Variants in VPS33B observed in about 807,000 individuals in gnomAD.
VPS33B encodes VPS33B late endosome and lysosome associated.
A neutral mutation model predicts 95.3 loss-of-function variants in VPS33B; 80 were observed. The observed-to-expected ratio is 0.84, with a 90% CI of 0.70 to 1.01. The LOEUF is 1.01. Among genes scored for constraint, VPS33B ranks in the 50% least tolerant of loss-of-function variants. VPS33B has a pLI of 0.00. For synonymous variants in VPS33B, 280 were observed against 280.4 expected (o/e 1.00, Z 0.01); for missense variants, 715 against 773.4 (o/e 0.92, Z 0.90).
intron 3 of VPS33B, 58 bp downstream of exon 3, chr15:91,016,905 C>T (rs371060030): frequency 4.1e-5 from 63 of 1,535,214 alleles, no homozygotes; most frequent in Non-Finnish European, 3.8e-5. Context: ...GAAAGGCAGA[C>T]GTGCCCCTAG....
At position 90,999,798 on chromosome 15, in the gene VPS33B, G is replaced by A. The variant is rs1250121001; in HGVS notation, c.1658-5C>T. ...CCTTGTCTTCCTTAGTCATATCTGT[G>A]AGGATCAGACCAGATTCAGCCCTTC... On this transcript the variant is annotated splice_region_variant and splice_polypyrimidine_tract_variant and intron_variant, in intron 21 of 22. Coordinates refer to ENST00000333371, the MANE Select transcript of VPS33B (RefSeq NM_018668.5). This position sits in a 1 kb window ranked among gnomAD's most constrained non-coding sequence, Gnocchi z 5.1. 2.5e-6 allele frequency: 4 copies of A among 1,613,924 alleles called. No individual in the cohort carries two copies. In the East Asian group the frequency reaches 6.7e-5, roughly 27 times the overall value.
chr15:91,013,878 A>G lies in VPS33B; in HGVS notation c.290-7T>C. 6.2e-7 allele frequency: 1 copy of G among 1,614,054 alleles called. No individual in the cohort carries two copies. Among genetic ancestry groups the G allele is most frequent in the East Asian group, 2.2e-5 (1 of 44,882 alleles). ...TTGTCAGCATTGACAAGACCTACAGAGAGAAGGAATGCAGCCCAGCAAGTC... is the reference window on the plus strand; with the variant it reads ...TTGTCAGCATTGACAAGACCTACAGGGAGAAGGAATGCAGCCCAGCAAGTC... On this transcript the variant is annotated splice_region_variant and splice_polypyrimidine_tract_variant and intron_variant, in intron 4 of 22. Coordinates refer to ENST00000333371, the MANE Select transcript of VPS33B (RefSeq NM_018668.5). This position sits in a 1 kb window ranked among gnomAD's most constrained non-coding sequence, Gnocchi z 4.5.
chr15:91,005,605 G>GGATCTC lies in VPS33B; in HGVS notation c.1030+83_1030+88dup, dbSNP rs1303118531. ...AAGACCATATGCATCAGATGAACAGGGATCTCCTCCTCGGGAGTAATGGTC... is the reference window on the plus strand; with the variant it reads ...AAGACCATATGCATCAGATGAACAGGGATCTCGATCTCCTCCTCGGGAGTAATGGTC... On this transcript the variant is annotated intron_variant, in intron 13 of 22. Coordinates refer to ENST00000333371, the MANE Select transcript of VPS33B (RefSeq NM_018668.5). The surrounding 1 kb of genome is among the most constrained non-coding windows in gnomAD (Gnocchi z 6.4). The GGATCTC allele has an allele frequency of 1.5e-5, 24 of 1,579,682 alleles. No homozygotes were observed. The highest frequency in any genetic ancestry group is 1.9e-5 in the Non-Finnish European group (22 of 1,148,634).
At position 90,998,811 on chromosome 15, in the gene VPS33B, G is replaced by C; in HGVS notation, c.*164C>G. 1.3e-6 allele frequency: 1 copy of C among 767,382 alleles called. No individual in the cohort carries two copies. Among genetic ancestry groups the C allele is most frequent in the Non-Finnish European group, 2.3e-6 (1 of 436,224 alleles). The allele number at this position is 767,382 out of a possible 1,614,324, so 47.5% of individuals were successfully genotyped here. On this transcript the variant is annotated 3_prime_UTR_variant, in exon 23 of 23. Coordinates refer to ENST00000333371, the MANE Select transcript of VPS33B (RefSeq NM_018668.5). This position sits in a 1 kb window ranked among gnomAD's most constrained non-coding sequence, Gnocchi z 4.8. Reference sequence around the variant, plus strand: ...GAGAAATATCCTGGGAGCAGGAAGTGAACTCTTTTCTCAGATAATGTTCTC... The same window carrying C: ...GAGAAATATCCTGGGAGCAGGAAGTCAACTCTTTTCTCAGATAATGTTCTC...
chr15:91,004,308 T>C (rs1029767881), intron 16 of VPS33B, among the ~76,000 whole-genome samples: 1 of 151,880 alleles, frequency 6.6e-6, no homozygotes, highest in Admixed American at 6.6e-5. Context: ...AAAAACAAGT[T>C]GCCATGAAGG....
rs199735009 is a variant in VPS33B, at chr15:91,006,023, C to T, written c.889G>A (p.Val297Ile). 6 of 1,614,184 alleles carry T rather than the reference C, an allele frequency of 3.7e-6. No homozygotes were observed. In the East Asian group the frequency reaches 1.1e-4, roughly 30 times the overall value. ...NEIRNEHFSN[V>I]FGFLSQKARN... ...GCCTTCTGGCTCAAGAAGCCAAAGA[C>T]ATTGGAGAAGTGCTCGTTCCGAATC... The change falls in exon 12 of 23, where the codon GTC becomes ATC. Residue 297 changes from valine to isoleucine, a missense_variant. By Grantham distance (29) the Val-to-Ile change is conservative (BLOSUM62 3). Transcript: ENST00000333371. This position sits in a 1 kb window ranked among gnomAD's most constrained non-coding sequence, Gnocchi z 5.4.
chr15:91,004,205 A>G lies in VPS33B; in HGVS notation c.1225+672T>C, dbSNP rs986501145. ...GCCATTGCACTCCAGCCTAGGCAAC[A>G]GAGCAAGACTCTGTCTTAAAAAAAA... On this transcript the variant is annotated intron_variant, in intron 16 of 22. Transcript: ENST00000333371. Among the ~76,000 whole-genome samples, 6 of 150,720 alleles carry G rather than the reference A, an allele frequency of 4.0e-5. No individual in the cohort carries two copies. In the East Asian group the frequency reaches 7.8e-4, roughly 20 times the overall value.
Position 91,007,672 on chromosome 15 carries a change from TG to T in VPS33B, c.499-100del, listed in dbSNP as rs1957766609. ...AGCCCTGGAGCAGGGTGGCAGGGCC[TG>T]GGGGATGCTTGAAAGGTTTTCATTG... On this transcript the variant is annotated intron_variant, in intron 7 of 22. Coordinates refer to ENST00000333371, the MANE Select transcript of VPS33B (RefSeq NM_018668.5). This position sits in a 1 kb window ranked among gnomAD's most constrained non-coding sequence, Gnocchi z 5.3. 4 of 1,366,340 alleles carry T rather than the reference TG, an allele frequency of 2.9e-6. No individual in the cohort carries two copies. The highest frequency in any genetic ancestry group is 1.7e-5 in the Admixed American group (1 of 58,446). The allele number at this position is 1,366,340 out of a possible 1,614,324, so 84.6% of individuals were successfully genotyped here.
intron 2 of VPS33B, 90 bp from the exon 3 acceptor site, chr15:91,017,114 C>A (rs1391191308): frequency 1.7e-6 from 2 of 1,173,468 alleles, no homozygotes; most frequent in East Asian, 2.3e-5. Flanking sequence ...TTGAGGGCTT[C>A]CTAATTATGC....
rs1335722117 is a variant in VPS33B, at chr15:91,011,588, A to G, written c.358-1742T>C. Among the ~76,000 whole-genome samples the G allele has an allele frequency of 6.6e-6, 1 of 152,254 alleles. No homozygotes were observed. The highest frequency in any genetic ancestry group is 2.4e-5 in the African/African-American group (1 of 41,470). On this transcript the variant is annotated intron_variant, in intron 5 of 22. Coordinates refer to ENST00000333371, the MANE Select transcript of VPS33B (RefSeq NM_018668.5). This position sits in a 1 kb window ranked among gnomAD's most constrained non-coding sequence, Gnocchi z 5.5. ...ATTAGGTCAAAGAATTTGATTAGAT[A>G]AGGTGTTAAGTGGAGAACACTCATA...
chr15:91,016,891 A>G (rs1357335299), intron 3 of VPS33B, 72 bp downstream of exon 3: 1 of 1,426,036 alleles, frequency 7.0e-7, no homozygotes, highest in African/African-American at 1.4e-5. Context: ...AGCCAAGGAC[A>G]GATGAAAGGC....
At position 91,013,590 on chromosome 15, in the gene VPS33B, G is replaced by A. The variant is rs142408088; in HGVS notation, c.357+214C>T. Among the ~76,000 whole-genome samples, 8 of 152,068 alleles carry A rather than the reference G, an allele frequency of 5.3e-5. No individual in the cohort carries two copies. The highest frequency in any genetic ancestry group is 1.3e-4 in the Admixed American group (2 of 15,266). On this transcript the variant is annotated intron_variant, in intron 5 of 22. Coordinates refer to ENST00000333371, the MANE Select transcript of VPS33B (RefSeq NM_018668.5). This position sits in a 1 kb window ranked among gnomAD's most constrained non-coding sequence, Gnocchi z 4.5. ...ACCCTTCTGCCATGGGATGACCCTCGCCAGATGCCAGCCCCACAGTCTTGG... is the reference window on the plus strand; with the variant it reads ...ACCCTTCTGCCATGGGATGACCCTCACCAGATGCCAGCCCCACAGTCTTGG...
At position 91,000,324 on chromosome 15, in the gene VPS33B, G is replaced by A. The variant is rs149208734; in HGVS notation, c.1581+166C>T. ...AGGCAGGAGAATCACTTGAATCTGG[G>A]AGGTGGAGGTTGCAGTGAGCCAAGA... On this transcript the variant is annotated intron_variant, in intron 20 of 22. Coordinates refer to ENST00000333371, the MANE Select transcript of VPS33B (RefSeq NM_018668.5). The surrounding 1 kb of genome is among the most constrained non-coding windows in gnomAD (Gnocchi z 4.9). Among the ~76,000 whole-genome samples, 1 of 152,122 alleles carries A rather than the reference G, an allele frequency of 6.6e-6. No homozygotes were observed. The highest frequency in any genetic ancestry group is 6.5e-5 in the Admixed American group (1 of 15,274).
Position 91,013,122 on chromosome 15 carries a change from C to T in VPS33B, c.357+682G>A, listed in dbSNP as rs1227471194. 1.3e-5 allele frequency among the ~76,000 whole-genome samples: 2 copies of T among 152,136 alleles called. No homozygotes were observed. The highest frequency in any genetic ancestry group is 2.4e-5 in the African/African-American group (1 of 41,416). ...AAAGCCGTAACATTGTGCACCATTA[C>T]TATACTAGAGTTTGTGTTAGGGATA... On this transcript the variant is annotated intron_variant, in intron 5 of 22. Coordinates refer to ENST00000333371, the MANE Select transcript of VPS33B (RefSeq NM_018668.5). The surrounding 1 kb of genome is among the most constrained non-coding windows in gnomAD (Gnocchi z 4.5).
At position 91,006,806 on chromosome 15, in the gene VPS33B, T is replaced by C; in HGVS notation, c.701-77A>G. ...ACAGCATGTCCAAGGGCAGCTTTGA[T>C]ACTTTCCATAGGGCCAAGGACCCAC... On this transcript the variant is annotated intron_variant, in intron 9 of 22. Transcript: ENST00000333371. This position sits in a 1 kb window ranked among gnomAD's most constrained non-coding sequence, Gnocchi z 5.4. The C allele has an allele frequency of 6.3e-7, 1 of 1,597,330 alleles. No homozygotes were observed.
chr15:91,013,737 C>T lies in VPS33B; in HGVS notation c.357+67G>A. The stretch of plus-strand genomic sequence containing the variant: ...GAGACAGGGAGGTAGTGCTGTTGGC[C>T]CCTTACCCCTGCCCGGTCCTCAGTC... On this transcript the variant is annotated intron_variant, in intron 5 of 22. Coordinates refer to ENST00000333371, the MANE Select transcript of VPS33B (RefSeq NM_018668.5). The surrounding 1 kb of genome is among the most constrained non-coding windows in gnomAD (Gnocchi z 4.5). The T allele has an allele frequency of 4.5e-6, 7 of 1,565,860 alleles. No individual in the cohort carries two copies. The highest frequency in any genetic ancestry group is 6.2e-6 in the Non-Finnish European group (7 of 1,136,962).
intron 1 of VPS33B, among the ~76,000 whole-genome samples, chr15:91,019,835 C>T (rs1004669255): frequency 6.7e-6 from 1 of 149,860 alleles, no homozygotes; most frequent in Non-Finnish European, 1.5e-5. Context: ...GATGGAGTAT[C>T]GCTTTTGTTG....
Position 91,014,372 on chromosome 15 carries a change from T to A in VPS33B, c.289+12A>T. The A allele has an allele frequency of 6.2e-7, 1 of 1,614,028 alleles. No homozygotes were observed. The highest frequency in any genetic ancestry group is 8.5e-7 in the Non-Finnish European group (1 of 1,179,996). ...TTTCCCACAGTTACACATAGTACCATGGCACACTCACTGGCAATGTATCGC... is the reference window on the plus strand; with the variant it reads ...TTTCCCACAGTTACACATAGTACCAAGGCACACTCACTGGCAATGTATCGC... On this transcript the variant is annotated intron_variant, in intron 4 of 22. Coordinates refer to ENST00000333371, the MANE Select transcript of VPS33B (RefSeq NM_018668.5).
chr15:91,022,210 C>T lies in VPS33B; in HGVS notation c.40G>A (p.Asp14Asn). 6.3e-7 allele frequency: 1 copy of T among 1,588,084 alleles called. No individual in the cohort carries two copies. Among genetic ancestry groups the T allele is most frequent in the Non-Finnish European group, 8.6e-7 (1 of 1,165,700 alleles). Reference protein sequence around the residue: ...PHRPDAPELPDFSMLKRLARD... With the variant: ...PHRPDAPELPNFSMLKRLARD... ...GCCAGCCTCTTCAGCATGGAGAAGT[C>T]AGGCAGCTCAGGGGCGTCCGGCCGA... Residue 14 changes from aspartate to asparagine, a missense_variant, in exon 1 of 23, where the codon GAC (aspartate) becomes AAC (asparagine). Physicochemically the swap from Asp to Asn is conservative, Grantham distance 23 (BLOSUM62 1). Transcript: ENST00000333371.
Sources: gnomAD v4.1 joint callset for allele counts (sites outside exome capture counted in the v4.1 genomes callset) on GRCh38, gnomAD v4.1.1 for gene constraint, Gnocchi (gnomAD v3.1) non-coding constraint, MANE v1.5 for transcripts, NCBI Gene and HGNC (gene_info 2026-07-23, HGNC 2026-07-21) for gene names.